Variants in CSTPP1 observed in about 807,000 individuals in gnomAD.
The protein encoded by CSTPP1 is UPF0705 protein C11orf49.
the CSTPP1 span, among the ~76,000 whole-genome samples, chr11:47,087,567 T>C: frequency 6.6e-6 from 1 of 152,012 alleles, no homozygotes; most frequent in Non-Finnish European, 1.5e-5. Flanking sequence ...GGCATGGTGG[T>C]GCGGGCCTGT....
chr11:46,999,751 T>G, the CSTPP1 span, among the ~76,000 whole-genome samples: 2 of 152,206 alleles, frequency 1.3e-5, no homozygotes, highest in African/African-American at 2.4e-5. Flanking sequence ...ATCTTGAGAC[T>G]TTCATATATT....
the CSTPP1 span, among the ~76,000 whole-genome samples, chr11:47,026,925 A>T: frequency 6.6e-6 from 1 of 152,164 alleles, no homozygotes; most frequent in Admixed American, 6.6e-5. Flanking sequence ...TATCATGTAC[A>T]CACAATTTTG....
At chr11:47,052,449 A>AC in the CSTPP1 span, 4 of 1,613,746 alleles carry the variant, frequency 2.5e-6, no homozygotes, top group African/African-American at 1.3e-5. Flanking sequence ...CGTCCAAGCC[A>AC]CCCCCCACAA....
chr11:46,998,379 G>C, the CSTPP1 span, among the ~76,000 whole-genome samples: 2 of 152,142 alleles, frequency 1.3e-5, no homozygotes, highest in Admixed American at 1.3e-4. Context: ...AAAATCGTAA[G>C]ATTTTCTACA....
the CSTPP1 span, among the ~76,000 whole-genome samples, chr11:47,142,531 G>A: frequency 2.6e-5 from 4 of 152,108 alleles, no homozygotes; most frequent in Non-Finnish European, 5.9e-5. Flanking sequence ...TATAGAAGGG[G>A]ACTGCTTAGG....
the CSTPP1 span, among the ~76,000 whole-genome samples, chr11:47,139,109 G>T: frequency 6.8e-6 from 1 of 146,070 alleles, no homozygotes; most frequent in Admixed American, 7.1e-5. Context: ...TACCTTCATT[G>T]TTCTATTTAA....
the CSTPP1 span, among the ~76,000 whole-genome samples, chr11:47,014,570 G>A: frequency 6.6e-6 from 1 of 151,956 alleles, no homozygotes; most frequent in Non-Finnish European, 1.5e-5. Context: ...AGGCGTGGTG[G>A]TGCATGACTA....
At chr11:46,990,883 G>C in the CSTPP1 span, among the ~76,000 whole-genome samples, 1 of 152,242 alleles carries the variant, frequency 6.6e-6, no homozygotes, top group Middle Eastern at 3.4e-3. Context: ...TATTAAACAG[G>C]GAGTCCTTTC....
At chr11:47,114,732 C>T in the CSTPP1 span, among the ~76,000 whole-genome samples, 1 of 152,170 alleles carries the variant, frequency 6.6e-6, no homozygotes, top group Admixed American at 6.5e-5. Flanking sequence ...AGATTTTGGG[C>T]TGCGACAATG....
At chr11:46,979,259 A>G in the CSTPP1 span, among the ~76,000 whole-genome samples, 1 of 152,084 alleles carries the variant, frequency 6.6e-6, no homozygotes, top group South Asian at 2.1e-4. Flanking sequence ...CAAGACTACA[A>G]CTCGTGCTAT....
chr11:47,104,594 A>G, the CSTPP1 span, among the ~76,000 whole-genome samples: 2 of 152,190 alleles, frequency 1.3e-5, no homozygotes, highest in Non-Finnish European at 2.9e-5. Context: ...TTTCCTTTCT[A>G]TCTGAAGAGC....
chr11:47,086,247 A>AAAAAT, the CSTPP1 span, among the ~76,000 whole-genome samples: 2 of 148,004 alleles, frequency 1.4e-5, no homozygotes, highest in African/African-American at 5.0e-5. Flanking sequence ...AAAAAAAAAA[A>AAAAAT]AAAAAAAAAA....
the CSTPP1 span, among the ~76,000 whole-genome samples, chr11:47,068,829 C>G: frequency 3.3e-5 from 5 of 152,110 alleles, no homozygotes; most frequent in Non-Finnish European, 7.4e-5. Flanking sequence ...GTCTTCTCAT[C>G]CAGTATAAAG....
At chr11:46,972,952 G>A in the CSTPP1 span, among the ~76,000 whole-genome samples, 1 of 152,078 alleles carries the variant, frequency 6.6e-6, no homozygotes, top group Non-Finnish European at 1.5e-5. Context: ...AGAGATTAAG[G>A]TTCAATTTTC....
the CSTPP1 span, among the ~76,000 whole-genome samples, chr11:47,158,678 G>A: frequency 3.0e-4 from 46 of 152,266 alleles, no homozygotes; most frequent in African/African-American, 8.2e-4. Flanking sequence ...TGGGACTACA[G>A]GCATGCGCCA....
chr11:47,105,273 T>A, the CSTPP1 span, among the ~76,000 whole-genome samples: 1 of 152,034 alleles, frequency 6.6e-6, no homozygotes, highest in South Asian at 2.1e-4. Context: ...TGTGAGGGGA[T>A]CACTTAAAGT....
At chr11:47,108,391 T>C in the CSTPP1 span, among the ~76,000 whole-genome samples, 6 of 152,210 alleles carry the variant, frequency 3.9e-5, no homozygotes, top group Non-Finnish European at 8.8e-5. Flanking sequence ...GACTAAGATA[T>C]ATATACACAC....
At chr11:46,996,389 C>T in the CSTPP1 span, among the ~76,000 whole-genome samples, 5 of 151,848 alleles carry the variant, frequency 3.3e-5, no homozygotes, top group African/African-American at 7.3e-5. Flanking sequence ...CTGCAAGCTC[C>T]GCCTCCCGGG....
At chr11:47,091,542 T>C in the CSTPP1 span, among the ~76,000 whole-genome samples, 9 of 152,220 alleles carry the variant, frequency 5.9e-5, no homozygotes, top group African/African-American at 2.2e-4. Flanking sequence ...TACCTCCTTA[T>C]ATATTTTCAT....
Sources: gnomAD v4.1 joint callset for allele counts (sites outside exome capture counted in the v4.1 genomes callset) on GRCh38, gnomAD v4.1.1 for gene constraint, MANE v1.5 for transcripts, NCBI Gene and HGNC (gene_info 2026-07-23, HGNC 2026-07-21) for gene names.